Variants in DPYD observed in about 807,000 individuals in gnomAD.
DPYD encodes dihydropyrimidine dehydrogenase [NADP(+)].
DPYD carries 109 observed loss-of-function variants against 116.2 expected under a neutral mutation model. The observed-to-expected ratio is 0.94, with a 90% CI of 0.80 to 1.10. The LOEUF is 1.10. Ranked by LOEUF, DPYD falls within the 50% of genes least tolerant of loss-of-function variation. DPYD has a pLI of 0.00. For synonymous variants in DPYD, 440 were observed against 432.0 expected (o/e 1.02, Z -0.23); for missense variants, 1,302 against 1,254.5 (o/e 1.04, Z -0.57).
chr1:97,119,018 T>C (rs1652209936), intron 20 of DPYD, among the ~76,000 whole-genome samples: 1 of 152,066 alleles, frequency 6.6e-6, no homozygotes, highest in African/African-American at 2.4e-5. Context: ...TTCACAGACT[T>C]TGGGGACAGA....
At chr1:97,683,118 A>G (rs1031552367) in intron 7 of DPYD, among the ~76,000 whole-genome samples, 2 of 152,040 alleles carry the variant, frequency 1.3e-5, no homozygotes, top group African/African-American at 4.8e-5. Context: ...AAATAAAAAC[A>G]TACATACTCT....
intron 8 of DPYD, among the ~76,000 whole-genome samples, chr1:97,621,516 A>T (rs1259009015): frequency 1.3e-5 from 2 of 151,694 alleles, no homozygotes; most frequent in Non-Finnish European, 3.0e-5. Context: ...AATAATTAAC[A>T]TATTTGTACA....
In DPYD at chr1:97,326,806, AAATT is replaced by A. The variant is rs373733936; in HGVS notation, c.2059-20513_2059-20510del. Among the ~76,000 whole-genome samples the A allele has an allele frequency of 4.6e-3, 700 of 152,146 alleles. 9 individuals are homozygous for A. Among genetic ancestry groups the A allele is most frequent in the African/African-American group, 0.016 (653 of 41,564 alleles). ...CATATAGTCAAAGAAAACTAACAAT[AAATT>A]AATCTGAACTATCAGAGTCTATAAC... On this transcript the variant is annotated intron_variant, in intron 16 of 22. Transcript: ENST00000370192.
intron 4 of DPYD, among the ~76,000 whole-genome samples, chr1:97,734,454 T>C (rs546400541): frequency 2.6e-5 from 4 of 152,294 alleles, no homozygotes; most frequent in African/African-American, 7.2e-5. Flanking sequence ...GTATCTGATA[T>C]AATAAATCTT....
At chr1:97,846,674 A>G (rs1670317733) in intron 2 of DPYD, among the ~76,000 whole-genome samples, 1 of 152,222 alleles carries the variant, frequency 6.6e-6, no homozygotes, top group South Asian at 2.1e-4. Flanking sequence ...AAGAAGAAAC[A>G]ATATTTGTTT....
intron 8 of DPYD, among the ~76,000 whole-genome samples, chr1:97,597,937 T>C (rs1654990665): frequency 6.6e-6 from 1 of 152,150 alleles, no homozygotes; most frequent in Non-Finnish European, 1.5e-5. Flanking sequence ...TCTACTTCTC[T>C]CATGGATGTG....
At chr1:97,332,666 T>C (rs981056666) in intron 16 of DPYD, among the ~76,000 whole-genome samples, 7 of 152,282 alleles carry the variant, frequency 4.6e-5, no homozygotes, top group East Asian at 1.9e-4. Flanking sequence ...ATTCCTGACA[T>C]AGTATGAATA....
intron 8 of DPYD, among the ~76,000 whole-genome samples, chr1:97,597,061 G>GT (rs1654936916): frequency 6.6e-6 from 1 of 152,088 alleles, no homozygotes; most frequent in African/African-American, 2.4e-5. Flanking sequence ...GAAAACCTGG[G>GT]TTGGAGGGAT....
At chr1:97,254,711 G>A (rs993165909) in intron 18 of DPYD, among the ~76,000 whole-genome samples, 2 of 152,068 alleles carry the variant, frequency 1.3e-5, no homozygotes, top group African/African-American at 4.8e-5. Context: ...AACTTCAAGT[G>A]AAAACTGTTA....
intron 17 of DPYD, 71 bp from the exon 18 acceptor site, chr1:97,305,449 C>T (rs2101037510): frequency 1.0e-5 from 16 of 1,601,018 alleles, no homozygotes; most frequent in Non-Finnish European, 1.3e-5. Context: ...TTCAAACCCT[C>T]ACATCCCAGA....
At chr1:97,519,883 TC>T (rs1648511753) in intron 12 of DPYD, among the ~76,000 whole-genome samples, 2 of 152,134 alleles carry the variant, frequency 1.3e-5, no homozygotes, top group Non-Finnish European at 2.9e-5. Flanking sequence ...AATTACCCAT[TC>T]TAAAGTCCTT....
Position 97,256,194 on chromosome 1 carries a change from C to T in DPYD, c.2300-21200G>A, listed in dbSNP as rs550657904. ...CTTTTATTGCCCGCTAATAAAAGCG[C>T]TAGTAAAACATTTCCATTGTTAAGC... On this transcript the variant is annotated intron_variant, in intron 18 of 22. Coordinates refer to ENST00000370192, the MANE Select transcript of DPYD (RefSeq NM_000110.4). 2.4e-3 allele frequency among the ~76,000 whole-genome samples: 361 copies of T among 152,170 alleles called. 2 individuals are homozygous for T. Among genetic ancestry groups the T allele is most frequent in the Non-Finnish European group, 2.8e-3 (193 of 67,990 alleles).
At chr1:97,776,594 C>A (rs1282893292) in intron 3 of DPYD, among the ~76,000 whole-genome samples, 2 of 152,114 alleles carry the variant, frequency 1.3e-5, no homozygotes, top group African/African-American at 4.8e-5. Flanking sequence ...TCAACATCTG[C>A]CTGCATGTAG....
At chr1:97,158,529 T>C (rs1655662804) in intron 20 of DPYD, among the ~76,000 whole-genome samples, 1 of 95,548 alleles carries the variant, frequency 1.0e-5, no homozygotes, top group Non-Finnish European at 2.6e-5. Context: ...ACACACTCTA[T>C]CCAAATGCAC....
chr1:97,369,157 G>A (rs1671188553), intron 16 of DPYD, among the ~76,000 whole-genome samples: 1 of 152,102 alleles, frequency 6.6e-6, no homozygotes, highest in South Asian at 2.1e-4. Flanking sequence ...GTGTCATTTT[G>A]GCTGAATTTT....
At chr1:97,462,332 TATG>T (rs1322055194) in intron 13 of DPYD, among the ~76,000 whole-genome samples, 1 of 152,214 alleles carries the variant, frequency 6.6e-6, no homozygotes, top group African/African-American at 2.4e-5. Flanking sequence ...CAGAAGACAA[TATG>T]ATATGTAGAA....
intron 3 of DPYD, among the ~76,000 whole-genome samples, chr1:97,816,063 A>ATT (rs113525655): frequency 1.4e-5 from 2 of 146,304 alleles, no homozygotes; most frequent in African/African-American, 2.5e-5. Flanking sequence ...TTAATTTTTA[A>ATT]TTTTTTTTTT....
intron 10 of DPYD, among the ~76,000 whole-genome samples, chr1:97,589,976 T>G (rs1654390467): frequency 6.6e-6 from 1 of 152,184 alleles, no homozygotes; most frequent in Admixed American, 6.5e-5. Context: ...CAATATTAAA[T>G]TCTTCATATT....
intron 20 of DPYD, among the ~76,000 whole-genome samples, chr1:97,170,088 T>G (rs1407146832): frequency 6.6e-6 from 1 of 152,136 alleles, no homozygotes; most frequent in Non-Finnish European, 1.5e-5. Flanking sequence ...GAAAATATAT[T>G]AGCATCACAA....
Sources: gnomAD v4.1 joint callset for allele counts (sites outside exome capture counted in the v4.1 genomes callset) on GRCh38, gnomAD v4.1.1 for gene constraint, MANE v1.5 for transcripts, NCBI Gene and HGNC (gene_info 2026-07-23, HGNC 2026-07-21) for gene names.